Variants in PPARGC1A observed in about 807,000 individuals in gnomAD.
PPARGC1A encodes the protein PPARG coactivator 1 alpha, also known as peroxisome proliferator-activated receptor gamma coactivator 1-alpha.
A neutral mutation model predicts 88.7 loss-of-function variants in PPARGC1A; 25 were observed. The ratio of observed to expected loss-of-function variants is 0.28; its 90% CI spans 0.21 to 0.39. PPARGC1A has a LOEUF of 0.39. Among genes scored for constraint, PPARGC1A ranks in the 10% least tolerant of loss-of-function variants. PPARGC1A has a pLI of 1.00. For missense variants in PPARGC1A, 880 were observed against 968.7 expected (o/e 0.91, Z 1.22); for synonymous variants, 363 against 355.6 (o/e 1.02, Z -0.24).
chr4:24,439,146 T>C, the PPARGC1A span, among the ~76,000 whole-genome samples: 1 of 152,096 alleles, frequency 6.6e-6, no homozygotes, highest in Non-Finnish European at 1.5e-5. Flanking sequence ...TAGAATATTG[T>C]CCTCCCTGCA....
chr4:24,081,053 C>G, the PPARGC1A span, among the ~76,000 whole-genome samples: 2 of 151,924 alleles, frequency 1.3e-5, no homozygotes, highest in Non-Finnish European at 1.5e-5. Context: ...ATTAATGATG[C>G]AAGAAAAGTG....
At chr4:23,824,193 C>T (rs1030656450) in intron 7 of PPARGC1A, 87 bp downstream of exon 7, 1 of 1,134,210 alleles carries the variant, frequency 8.8e-7, no homozygotes, top group African/African-American at 1.5e-5. Flanking sequence ...TCATTAACCA[C>T]ATAGACAGTA....
the PPARGC1A span, among the ~76,000 whole-genome samples, chr4:24,288,083 A>ACATCTAT: frequency 2.0e-5 from 3 of 152,102 alleles, no homozygotes; most frequent in Non-Finnish European, 2.9e-5. Context: ...TTTTCCCTCA[A>ACATCTAT]CATCTATATT....
chr4:24,317,970 G>C, the PPARGC1A span, among the ~76,000 whole-genome samples: 1 of 152,146 alleles, frequency 6.6e-6, no homozygotes, highest in Non-Finnish European at 1.5e-5. Context: ...CAGGCAAGTC[G>C]GTAACTATGG....
the PPARGC1A span, among the ~76,000 whole-genome samples, chr4:24,345,008 G>C: frequency 6.6e-6 from 1 of 152,080 alleles, no homozygotes; most frequent in Admixed American, 6.5e-5. Flanking sequence ...TGTTGAAAAG[G>C]GGGTCCTTTC....
chr4:24,446,395 C>A, the PPARGC1A span, among the ~76,000 whole-genome samples: 1 of 152,138 alleles, frequency 6.6e-6, no homozygotes, highest in Non-Finnish European at 1.5e-5. Context: ...AATGTCTATT[C>A]AAGTCTTTAG....
At chr4:23,813,329 T>C (rs926355623) in intron 8 of PPARGC1A, among the ~76,000 whole-genome samples, 5 of 152,176 alleles carry the variant, frequency 3.3e-5, no homozygotes, top group Non-Finnish European at 7.3e-5. Context: ...TCAGCGTCTC[T>C]TATTGATGTT....
At chr4:23,852,928 T>TA (rs910781774) in intron 2 of PPARGC1A, among the ~76,000 whole-genome samples, 31 of 151,378 alleles carry the variant, frequency 2.0e-4, no homozygotes, top group South Asian at 1.0e-3. Flanking sequence ...ATCACTGCCC[T>TA]AAAAAAAAAC....
chr4:24,164,326 C>A, the PPARGC1A span, among the ~76,000 whole-genome samples: 1 of 152,156 alleles, frequency 6.6e-6, no homozygotes, highest in East Asian at 1.9e-4. Context: ...CTGGATGAGA[C>A]CACATTTTAA....
chr4:24,287,891 T>C, the PPARGC1A span, among the ~76,000 whole-genome samples: 1 of 152,138 alleles, frequency 6.6e-6, no homozygotes, highest in South Asian at 2.1e-4. Context: ...AAGAGTCACA[T>C]ACCATTTAGC....
the PPARGC1A span, among the ~76,000 whole-genome samples, chr4:24,470,271 GACACAGAC>G: frequency 0.039 from 2,820 of 71,992 alleles, 42 homozygotes; most frequent in Middle Eastern, 0.076. The surrounding 1 kb of genome is among the most constrained non-coding windows in gnomAD (Gnocchi z 5.8). Context: ...CTCATCGACA[GACACAGAC>G]ACACACACAC....
the PPARGC1A span, among the ~76,000 whole-genome samples, chr4:23,952,028 G>A: frequency 6.6e-6 from 1 of 152,008 alleles, no homozygotes; most frequent in South Asian, 2.1e-4. Flanking sequence ...CCTGGCCCAC[G>A]GTCACTCTGT....
chr4:24,372,049 A>C, the PPARGC1A span, among the ~76,000 whole-genome samples: 2 of 152,214 alleles, frequency 1.3e-5, no homozygotes, highest in East Asian at 3.9e-4. Context: ...ATAAAGTTTC[A>C]TCTCTCTCTC....
At chr4:24,152,225 C>G in the PPARGC1A span, among the ~76,000 whole-genome samples, 2 of 152,314 alleles carry the variant, frequency 1.3e-5, no homozygotes, top group South Asian at 4.1e-4. Flanking sequence ...AACTGTCTCA[C>G]TTTTCTATCT....
chr4:24,118,388 C>A, the PPARGC1A span, among the ~76,000 whole-genome samples: 27 of 152,242 alleles, frequency 1.8e-4, no homozygotes, highest in East Asian at 4.6e-3. Flanking sequence ...GCCACTCGAA[C>A]CTGTGCATCT....
chr4:24,430,334 C>G, the PPARGC1A span, among the ~76,000 whole-genome samples: 2 of 147,214 alleles, frequency 1.4e-5, no homozygotes, highest in African/African-American at 2.5e-5. Flanking sequence ...TCTCAGCTCA[C>G]TGCAACCTCC....
the PPARGC1A span, among the ~76,000 whole-genome samples, chr4:24,053,177 T>C: frequency 6.6e-6 from 1 of 151,906 alleles, no homozygotes; most frequent in Non-Finnish European, 1.5e-5. Context: ...GGCCCAGATT[T>C]TTTTTTTAAG....
At chr4:23,820,161 C>T (rs2109546141) in intron 7 of PPARGC1A, among the ~76,000 whole-genome samples, 1 of 152,082 alleles carries the variant, frequency 6.6e-6, no homozygotes. Context: ...TGAATGACTG[C>T]TGATTAAAGC....
chr4:24,178,830 T>C, the PPARGC1A span, among the ~76,000 whole-genome samples: 1 of 152,232 alleles, frequency 6.6e-6, no homozygotes, highest in South Asian at 2.1e-4. Flanking sequence ...TCAAAAGTCA[T>C]CAACTGGTGA....
Sources: gnomAD v4.1 joint callset for allele counts (sites outside exome capture counted in the v4.1 genomes callset) on GRCh38, gnomAD v4.1.1 for gene constraint, Gnocchi (gnomAD v3.1) non-coding constraint, MANE v1.5 for transcripts, NCBI Gene and HGNC (gene_info 2026-07-23, HGNC 2026-07-21) for gene names.